EYS: variants seen among roughly 807,000 people sequenced by gnomAD.
EYS encodes EGF-like photoreceptor maintenance factor, also known as protein eyes shut homolog.
In EYS, 250 loss-of-function variants were observed where a neutral mutation model predicts 282.1. The observed-to-expected ratio is 0.89, with a 90% confidence interval of 0.80 to 0.98. The LOEUF (loss-of-function observed/expected upper bound fraction) is 0.98, where lower values mean the gene tolerates loss of function less well. EYS is among the 50% of genes least tolerant of loss of function. EYS has a pLI of 0.00. For missense variants in EYS, 4,016 were observed against 3,709.0 expected, an observed-to-expected ratio of 1.08 and a Z score of -2.15; for synonymous variants, 1,355 against 1,282.9, an observed-to-expected ratio of 1.06 and a Z score of -1.20.
chr6:64,022,524 A>C (rs928037598), intron 33 of EYS, among the ~76,000 whole-genome samples: 1 of 152,220 alleles, frequency 6.6e-6, no homozygotes, highest in Non-Finnish European at 1.5e-5. Context: ...CATCACAACA[A>C]AAAGAAACTA....
chr6:65,604,994 C>T (rs1032022206), intron 2 of EYS, among the ~76,000 whole-genome samples: 15 of 149,850 alleles, frequency 1.0e-4, no homozygotes, highest in Admixed American at 1.3e-4. Context: ...AACATATGGC[C>T]GACCATGCCC....
intron 10 of EYS, among the ~76,000 whole-genome samples, chr6:65,337,922 C>G (rs1048134414): frequency 6.6e-6 from 1 of 150,946 alleles, no homozygotes; most frequent in Non-Finnish European, 1.5e-5. Flanking sequence ...CACAGACTTA[C>G]TTCATATAAC....
chr6:64,090,681 C>T (rs753183591), intron 31 of EYS, among the ~76,000 whole-genome samples: 5 of 151,914 alleles, frequency 3.3e-5, no homozygotes, highest in East Asian at 1.9e-4. Context: ...TTTTGTCTTG[C>T]GTTTAATTTT....
intron 31 of EYS, among the ~76,000 whole-genome samples, chr6:64,102,072 C>G (rs1046831578): frequency 6.6e-6 from 1 of 152,096 alleles, no homozygotes; most frequent in Non-Finnish European, 1.5e-5. Flanking sequence ...CCACTCTCCT[C>G]CTTCTGTGCC....
chr6:65,162,303 T>C (rs935703598), intron 12 of EYS, among the ~76,000 whole-genome samples: 1 of 151,280 alleles, frequency 6.6e-6, no homozygotes, highest in African/African-American at 2.4e-5. Flanking sequence ...TGAATGCAGA[T>C]AAAATAAAAT....
In EYS at chr6:63,935,334, C is replaced by A. The variant is rs1475893001; in HGVS notation, c.7055+49049G>T. On this transcript the variant is annotated intron_variant, in intron 35 of 42. Transcript: ENST00000503581. ...TTGTCCTTACTTTCTGCTTTCTGGCCACATGCCCTCTTAGACAGCACTTAT... is the reference window on the plus strand; with the variant it reads ...TTGTCCTTACTTTCTGCTTTCTGGCAACATGCCCTCTTAGACAGCACTTAT... 2.6e-5 allele frequency among the ~76,000 whole-genome samples: 4 copies of A among 152,188 alleles called. No individual in the cohort carries two copies. In the East Asian group the frequency reaches 7.7e-4, roughly 29 times the overall value.
At chr6:64,303,559 A>T (rs1342194008) in intron 30 of EYS, among the ~76,000 whole-genome samples, 3 of 152,140 alleles carry the variant, frequency 2.0e-5, no homozygotes, top group African/African-American at 7.2e-5. Context: ...AAGCCTTAGG[A>T]TAGCCGGGCG....
intron 36 of EYS, among the ~76,000 whole-genome samples, chr6:63,832,928 A>G (rs1048805756): frequency 6.6e-6 from 1 of 152,218 alleles, no homozygotes; most frequent in African/African-American, 2.4e-5. Flanking sequence ...AAATCAATAA[A>G]TGGAATCCAT....
At chr6:64,012,329 G>T (rs1391986222) in intron 33 of EYS, among the ~76,000 whole-genome samples, 1 of 152,166 alleles carries the variant, frequency 6.6e-6, no homozygotes, top group Non-Finnish European at 1.5e-5. Flanking sequence ...TAGCAACTAT[G>T]ATCTCCATGC....
intron 22 of EYS, among the ~76,000 whole-genome samples, chr6:64,752,178 T>G (rs1310691471): frequency 6.6e-6 from 1 of 151,826 alleles, no homozygotes; most frequent in Non-Finnish European, 1.5e-5. Flanking sequence ...AAATACCAGA[T>G]AAATAATTCA....
At chr6:65,470,902 G>T (rs879828499) in intron 5 of EYS, among the ~76,000 whole-genome samples, 1 of 152,030 alleles carries the variant, frequency 6.6e-6, no homozygotes, top group African/African-American at 2.4e-5. Flanking sequence ...GGCTTGGGAG[G>T]CTGAGGAGGG....
At chr6:65,390,064 C>G (rs765910808) in intron 7 of EYS, among the ~76,000 whole-genome samples, 2 of 151,544 alleles carry the variant, frequency 1.3e-5, no homozygotes, top group Non-Finnish European at 2.9e-5. Flanking sequence ...AAGTGGGGAT[C>G]AGAGAGTGAA....
At chr6:64,856,263 G>T (rs905946251) in intron 19 of EYS, among the ~76,000 whole-genome samples, 1 of 151,828 alleles carries the variant, frequency 6.6e-6, no homozygotes. Flanking sequence ...TCACATTTTC[G>T]CCAGCATTTG....
chr6:64,930,799 C>T (rs1401521805), intron 15 of EYS, among the ~76,000 whole-genome samples: 1 of 152,092 alleles, frequency 6.6e-6, no homozygotes, highest in Non-Finnish European at 1.5e-5. Context: ...GCCAAAGCAT[C>T]AACACAAATG....
intron 31 of EYS, among the ~76,000 whole-genome samples, chr6:64,161,445 A>C (rs1452955089): frequency 6.6e-6 from 1 of 152,166 alleles, no homozygotes; most frequent in Non-Finnish European, 1.5e-5. Context: ...AACAAAATAC[A>C]AGTGGTATAT....
At chr6:64,441,705 G>T (rs1354549438) in intron 26 of EYS, among the ~76,000 whole-genome samples, 1 of 152,110 alleles carries the variant, frequency 6.6e-6, no homozygotes, top group Non-Finnish European at 1.5e-5. Context: ...AATAGTGAAT[G>T]GGTCTCATGA....
intron 29 of EYS, among the ~76,000 whole-genome samples, chr6:64,340,852 C>A (rs984846652): frequency 9.2e-5 from 14 of 151,652 alleles, no homozygotes; most frequent in Non-Finnish European, 1.9e-4. Context: ...CTATCAATAA[C>A]TTAAAGAAAT....
At chr6:64,095,526 T>C (rs1772562977) in intron 31 of EYS, among the ~76,000 whole-genome samples, 1 of 152,152 alleles carries the variant, frequency 6.6e-6, no homozygotes, top group Non-Finnish European at 1.5e-5. Flanking sequence ...CTTTGTCTCT[T>C]TTGATCTTTG....
At chr6:63,997,128 A>G (rs1767871519) in intron 34 of EYS, among the ~76,000 whole-genome samples, 1 of 152,230 alleles carries the variant, frequency 6.6e-6, no homozygotes, top group African/African-American at 2.4e-5. Context: ...AAAATTAAAT[A>G]GCTTCAGCTC....
Sources: allele counts gnomAD v4.1 joint callset (sites outside exome capture counted in the v4.1 genomes callset), GRCh38; gene constraint gnomAD v4.1.1; transcripts MANE v1.5; gene names NCBI Gene and HGNC (gene_info 2026-07-23, HGNC 2026-07-21).